Variants in MTA3 observed in about 807,000 individuals in gnomAD.
The protein encoded by MTA3 is metastasis-associated protein MTA3.
In MTA3, 34 loss-of-function variants were observed where a neutral mutation model predicts 83.5. The ratio of observed to expected loss-of-function variants is 0.41; its 90% CI spans 0.31 to 0.54. The LOEUF (loss-of-function observed/expected upper bound fraction) is 0.54, where lower values mean the gene tolerates loss of function less well. MTA3 is among the 20% of genes least tolerant of loss of function. The pLI is 0.33. For synonymous variants in MTA3, 303 were observed against 252.7 expected (o/e 1.20, Z -1.89); for missense variants, 761 against 726.4 (o/e 1.05, Z -0.55).
At chr2:42,622,137 G>C (rs1005054111) in intron 4 of MTA3, among the ~76,000 whole-genome samples, 4 of 152,270 alleles carry the variant, frequency 2.6e-5, no homozygotes, top group South Asian at 4.1e-4. Context: ...GTGAACCAGA[G>C]TCCGTCTGCA....
intron 4 of MTA3, among the ~76,000 whole-genome samples, chr2:42,631,647 TACAA>T (rs1289645152): frequency 3.9e-5 from 6 of 152,216 alleles, no homozygotes. Context: ...TACTTTGTGT[TACAA>T]ACAATCCAGT....
rs1037255702 is a variant in MTA3 at position 42,646,427 on chromosome 2, G to A, written c.499+2183G>A. On this transcript the variant is annotated intron_variant, in intron 6 of 16. Coordinates refer to ENST00000405094, the MANE Select transcript of MTA3 (RefSeq NM_001330442.2). Reference sequence around the variant, plus strand: ...CTCTGATGGATCTGAGTAGTCAATCGAAAACCTTCTGGAAAGAATTCTCCG... The same window carrying A: ...CTCTGATGGATCTGAGTAGTCAATCAAAAACCTTCTGGAAAGAATTCTCCG... Among the ~76,000 whole-genome samples, 10 of 152,250 alleles carry A rather than the reference G, an allele frequency of 6.6e-5. No homozygotes were observed. The South Asian group carries it at 1.5e-3, about 22-fold the overall frequency.
chr2:42,567,796 CTGTT>C (rs1301058356), upstream of MTA3, among the ~76,000 whole-genome samples: 2 of 152,166 alleles, frequency 1.3e-5, no homozygotes, highest in Non-Finnish European at 2.9e-5. Context: ...ACAATCTCCT[CTGTT>C]TGGGGGTGGT....
chr2:42,725,697 C>G (rs1667761173), intron 16 of MTA3, among the ~76,000 whole-genome samples: 1 of 152,222 alleles, frequency 6.6e-6, no homozygotes, highest in Admixed American at 6.5e-5. Flanking sequence ...TGTGATGAGG[C>G]TGGTTCTGGT....
intron 2 of MTA3, among the ~76,000 whole-genome samples, chr2:42,525,322 C>T (rs1278772287): frequency 6.6e-6 from 1 of 151,992 alleles, no homozygotes; most frequent in Admixed American, 6.6e-5. Context: ...GCCTCAGCCT[C>T]CTGAGTAGCT....
intron 11 of MTA3, among the ~76,000 whole-genome samples, chr2:42,699,523 T>A (rs536610233): frequency 2.0e-5 from 3 of 151,952 alleles, no homozygotes; most frequent in African/African-American, 7.2e-5. Context: ...GGACTAAGAG[T>A]AGATGCAGAG....
chr2:42,753,935 G>T lies in MTA3; in HGVS notation c.*536G>T, dbSNP rs1670067459. 5.1e-6 allele frequency: 5 copies of T among 985,736 alleles called. No homozygotes were observed. The South Asian group carries it at 2.3e-4, about 46-fold the overall frequency. The allele number at this position is 985,736 out of a possible 1,614,324, so 61.1% of individuals were successfully genotyped here. On this transcript the variant is annotated 3_prime_UTR_variant, in exon 17 of 17. Transcript: ENST00000405094. ...TGTTACCGTCACTCAGCTTTTTCTC[G>T]ATAGGCTTCATCCTTGTTTTTTTGA...
intron 2 of MTA3, among the ~76,000 whole-genome samples, chr2:42,548,859 A>ATAATATATATAT (rs1449124929): frequency 4.5e-5 from 1 of 22,032 alleles, no homozygotes; most frequent in Non-Finnish European, 6.6e-5. Flanking sequence ...ATATATATAT[A>ATAATATATATAT]ATATATATAT....
chr2:42,579,431 T>A (rs56134106), intron 3 of MTA3, among the ~76,000 whole-genome samples: 2,425 of 26,728 alleles, frequency 0.091, 19 homozygotes, highest in Middle Eastern at 0.13. Flanking sequence ...ATATATATAT[T>A]TTTTTTTTTT....
chr2:42,625,663 C>T (rs1686002133), intron 4 of MTA3, among the ~76,000 whole-genome samples: 2 of 147,064 alleles, frequency 1.4e-5, no homozygotes, highest in South Asian at 4.3e-4. Flanking sequence ...AGGAGAATGT[C>T]GTGAACCCGG....
intron 3 of MTA3, among the ~76,000 whole-genome samples, chr2:42,605,823 G>T: frequency 1.5e-5 from 2 of 133,370 alleles, no homozygotes; most frequent in South Asian, 5.1e-4. Flanking sequence ...CAGACGGGGC[G>T]GCTGGCCGGG....
At chr2:42,580,761 A>G (rs911444038) in intron 3 of MTA3, among the ~76,000 whole-genome samples, 23 of 151,994 alleles carry the variant, frequency 1.5e-4, no homozygotes, top group African/African-American at 4.8e-4. Context: ...ATGCCCAGCT[A>G]ATTTTTGTAT....
intron 4 of MTA3, among the ~76,000 whole-genome samples, chr2:42,631,726 G>C (rs904342371): frequency 6.6e-6 from 1 of 152,160 alleles, no homozygotes; most frequent in Non-Finnish European, 1.5e-5. Flanking sequence ...GTCTCCCTTA[G>C]TGACCCAGGC....
rs78931853 is a variant in MTA3 at position 42,681,110 on chromosome 2, C to T, written c.703-1291C>T. The stretch of plus-strand genomic sequence containing the variant: ...AGTAACCTCGGGCCCAGGAGTTCAA[C>T]GTTATGGTGCTTGTGTGTTCTAATC... On this transcript the variant is annotated intron_variant, in intron 8 of 16. Coordinates refer to ENST00000405094, the MANE Select transcript of MTA3 (RefSeq NM_001330442.2). Among the ~76,000 whole-genome samples, 806 of 152,236 alleles carry T rather than the reference C, an allele frequency of 5.3e-3. 3 individuals carry two copies. The highest frequency in any genetic ancestry group is 0.017 in the African/African-American group (724 of 41,540).
At chr2:42,621,338 C>G (rs906550890) in intron 4 of MTA3, among the ~76,000 whole-genome samples, 11 of 152,076 alleles carry the variant, frequency 7.2e-5, no homozygotes, top group Non-Finnish European at 1.2e-4. Flanking sequence ...TGACTCTTAA[C>G]GAGCATGCTG....
intron 16 of MTA3, among the ~76,000 whole-genome samples, chr2:42,742,371 T>A (rs1410903640): frequency 6.6e-6 from 1 of 152,160 alleles, no homozygotes; most frequent in Non-Finnish European, 1.5e-5. Context: ...GTGCCTGACC[T>A]TAGGTGATCC....
At chr2:42,522,182 C>A (rs534929744) in intron 2 of MTA3, among the ~76,000 whole-genome samples, 1 of 152,172 alleles carries the variant, frequency 6.6e-6, no homozygotes, top group South Asian at 2.1e-4. Context: ...CTAAAGCAAA[C>A]TGGGGAGACT....
At chr2:42,579,020 T>A in intron 2 of MTA3, 87 bp from the exon 3 acceptor site, 1 of 841,404 alleles carries the variant, frequency 1.2e-6, no homozygotes, top group Non-Finnish European at 1.8e-6. Context: ...AGCATGATCA[T>A]ATAATTGTGC....
intron 2 of MTA3, among the ~76,000 whole-genome samples, chr2:42,559,501 C>T (rs1391003031): frequency 1.9e-5 from 2 of 106,618 alleles, no homozygotes; most frequent in East Asian, 5.9e-4. Flanking sequence ...GACCTTGTCT[C>T]AAAAAAAAAA....
Sources: gnomAD v4.1 joint callset for allele counts (sites outside exome capture counted in the v4.1 genomes callset) on GRCh38, gnomAD v4.1.1 for gene constraint, MANE v1.5 for transcripts, NCBI Gene and HGNC (gene_info 2026-07-23, HGNC 2026-07-21) for gene names.